Variants in SLC16A12 observed in about 807,000 individuals in gnomAD.
SLC16A12 encodes solute carrier family 16 member 12.
Under a neutral mutation model 42.4 loss-of-function variants are expected in SLC16A12, and 17 were observed. That is an observed-to-expected ratio of 0.40 (90% confidence interval 0.27 to 0.60). The LOEUF (loss-of-function observed/expected upper bound fraction) is 0.60. SLC16A12 is among the 20% of genes least tolerant of loss of function. The pLI is 0.42. For synonymous variants in SLC16A12, 224 were observed against 229.4 expected, an observed-to-expected ratio of 0.98 and a Z score of 0.21; for missense variants, 544 against 623.0, an observed-to-expected ratio of 0.87 and a Z score of 1.35.
In SLC16A12 at chr10:89,507,426, T is replaced by C. The variant is rs12219952; in HGVS notation, c.-47+27075A>G. On this transcript the variant is annotated intron_variant, in intron 2 of 7. Coordinates refer to ENST00000371790, the MANE Select transcript of SLC16A12 (RefSeq NM_213606.4). ...GGGAGTGGGGGCCAATATTCAACAT[T>C]CTTAAAGAAAAGAATTTTCCACCCA... is the stretch of plus-strand genomic sequence containing the variant. Among the ~76,000 whole-genome samples, 82 of 152,298 alleles carry C rather than the reference T, an allele frequency of 5.4e-4. 2 individuals are homozygous for C. The East Asian group carries it at 0.014, about 26-fold the overall frequency.
intron 2 of SLC16A12, among the ~76,000 whole-genome samples, chr10:89,529,151 G>A (rs1363562879): frequency 1.3e-5 from 2 of 152,068 alleles, no homozygotes; most frequent in African/African-American, 4.8e-5. Flanking sequence ...TCCTTCGGGG[G>A]CTATGAATGT....
At chr10:89,462,215 A>G (rs996219879) in intron 3 of SLC16A12, among the ~76,000 whole-genome samples, 164 bp downstream of exon 3, 1 of 152,220 alleles carries the variant, frequency 6.6e-6, no homozygotes, top group African/African-American at 2.4e-5. Context: ...AGAATCACAT[A>G]CTTTGCAAAG....
At chr10:89,503,206 C>T (rs992378062) in intron 2 of SLC16A12, among the ~76,000 whole-genome samples, 2 of 152,156 alleles carry the variant, frequency 1.3e-5, no homozygotes, top group African/African-American at 2.4e-5. Context: ...TTTTCTTTTT[C>T]ACGTTATTTT....
intron 2 of SLC16A12, among the ~76,000 whole-genome samples, chr10:89,553,573 T>G (rs1048832218): frequency 6.6e-6 from 1 of 152,206 alleles, no homozygotes; most frequent in African/African-American, 2.4e-5. Context: ...GTGACAATAT[T>G]GGACAAGTTG....
intron 2 of SLC16A12, among the ~76,000 whole-genome samples, chr10:89,520,496 G>A (rs1843333762): frequency 6.6e-6 from 1 of 152,090 alleles, no homozygotes; most frequent in Non-Finnish European, 1.5e-5. Context: ...ATAAGCATTT[G>A]TAAATCCCTC....
chr10:89,532,338 G>C (rs563543034), intron 2 of SLC16A12, among the ~76,000 whole-genome samples: 1 of 152,284 alleles, frequency 6.6e-6, no homozygotes, highest in East Asian at 1.9e-4. Context: ...ATCAGAAATT[G>C]TGACTGTTCC....
intron 2 of SLC16A12, among the ~76,000 whole-genome samples, chr10:89,542,339 G>A (rs375581818): frequency 1.5e-4 from 19 of 127,856 alleles, no homozygotes; most frequent in African/African-American, 5.6e-4. Flanking sequence ...GTCACACTCT[G>A]TCCCACAGGC....
intron 3 of SLC16A12, among the ~76,000 whole-genome samples, chr10:89,459,254 C>T (rs117038513): frequency 2.7e-4 from 41 of 151,892 alleles, no homozygotes; most frequent in Non-Finnish European, 5.0e-4. Flanking sequence ...TATGACAGCT[C>T]GCTGGATATT....
intron 2 of SLC16A12, among the ~76,000 whole-genome samples, chr10:89,463,539 G>A (rs1172580021): frequency 6.6e-6 from 1 of 151,868 alleles, no homozygotes; most frequent in East Asian, 1.9e-4. Flanking sequence ...GAAAATATAG[G>A]CAAATATTTA....
At chr10:89,538,753 G>C (rs1412194575), upstream of SLC16A12, among the ~76,000 whole-genome samples, 1 of 152,158 alleles carries the variant, frequency 6.6e-6, no homozygotes, top group African/African-American at 2.4e-5. Context: ...ATCCTTATTA[G>C]TATTAATAGT....
upstream of SLC16A12, among the ~76,000 whole-genome samples, chr10:89,537,145 GTTTT>G (rs376769096): frequency 9.5e-6 from 1 of 105,648 alleles, no homozygotes. Flanking sequence ...CCGTAGGTAT[GTTTT>G]TTTTTTTTTT....
chr10:89,444,546 T>C (rs1460417510), intron 3 of SLC16A12, among the ~76,000 whole-genome samples: 1 of 152,226 alleles, frequency 6.6e-6, no homozygotes, highest in East Asian at 1.9e-4. Context: ...AAATTTGCAA[T>C]ATAATGTTAA....
chr10:89,547,211 A>G (rs187137579), intron 2 of SLC16A12, among the ~76,000 whole-genome samples: 186 of 152,334 alleles, frequency 1.2e-3, no homozygotes, highest in African/African-American at 4.4e-3. Context: ...TATGCCTTAT[A>G]AGAGTATAAG....
At chr10:89,509,455 A>C (rs1411763012) in intron 2 of SLC16A12, among the ~76,000 whole-genome samples, 1 of 152,210 alleles carries the variant, frequency 6.6e-6, no homozygotes, top group Non-Finnish European at 1.5e-5. Flanking sequence ...AAATCAATAA[A>C]TGTAATCCAT....
chr10:89,476,745 C>T (rs887326000), intron 2 of SLC16A12, among the ~76,000 whole-genome samples: 52 of 152,266 alleles, frequency 3.4e-4, no homozygotes, highest in African/African-American at 1.2e-3. Flanking sequence ...CTACATCTCT[C>T]TGGGCACATA....
intron 2 of SLC16A12, among the ~76,000 whole-genome samples, chr10:89,530,528 C>T (rs1403794962): frequency 6.6e-6 from 1 of 152,126 alleles, no homozygotes; most frequent in East Asian, 1.9e-4. Context: ...TGCCATTCTC[C>T]TGCCTCAGCC....
intron 2 of SLC16A12, among the ~76,000 whole-genome samples, chr10:89,506,217 A>G (rs1450295227): frequency 6.6e-6 from 1 of 152,214 alleles, no homozygotes; most frequent in Non-Finnish European, 1.5e-5. Flanking sequence ...AGAGTGTTCG[A>G]GCTCTGATAA....
At position 89,431,014 on chromosome 10, in the gene SLC16A12, T is replaced by C. The variant is rs572607386; in HGVS notation, c.*2050A>G. On this transcript the variant is annotated 3_prime_UTR_variant, in exon 8 of 8. Transcript: ENST00000371790. ...ACAGATACCTTCCAATTTTTTTTTT[T>C]TGAGATGGAGTCTTGCTCTGTCGCC... is the stretch of plus-strand genomic sequence containing the variant. 4,844 of 292,260 alleles carry C rather than the reference T, an allele frequency of 0.017. 220 individuals are homozygous for C. Among genetic ancestry groups the C allele is most frequent in the African/African-American group, 0.1 (4,372 of 43,542 alleles). 18.1% of individuals were successfully genotyped at this position (292,260 alleles called of 1,614,324 possible).
intron 2 of SLC16A12, among the ~76,000 whole-genome samples, chr10:89,498,023 G>A (rs1164800565): frequency 6.6e-6 from 1 of 152,098 alleles, no homozygotes; most frequent in African/African-American, 2.4e-5. Context: ...AATAAAGATA[G>A]TAGGGGCCAG....
Sources: allele counts gnomAD v4.1 joint callset (sites outside exome capture counted in the v4.1 genomes callset), GRCh38; gene constraint gnomAD v4.1.1; transcripts MANE v1.5; gene names NCBI Gene and HGNC (gene_info 2026-07-23, HGNC 2026-07-21).